Variants in TANGO6 observed in about 807,000 individuals in gnomAD.
The protein encoded by TANGO6 is transport and golgi organization 6 homolog, also known as transport and Golgi organization protein 6 homolog.
A neutral mutation model predicts 114.2 loss-of-function variants in TANGO6; 90 were observed. The observed-to-expected ratio is 0.79, with a 90% CI of 0.66 to 0.94. TANGO6 has a LOEUF of 0.94. TANGO6 is among the 40% of genes least tolerant of loss of function. The pLI is 0.00. For missense variants in TANGO6, 1,274 were observed against 1,315.3 expected (o/e 0.97, Z 0.49); for synonymous variants, 477 against 509.8 (o/e 0.94, Z 0.87).
intron 17 of TANGO6, among the ~76,000 whole-genome samples, chr16:69,045,281 C>T (rs1306944691): frequency 6.6e-6 from 1 of 150,430 alleles, no homozygotes; most frequent in Non-Finnish European, 1.5e-5. Flanking sequence ...GGTGAAACCC[C>T]GTCTCTACTA....
At chr16:68,847,802 C>T (rs1211725869) in intron 1 of TANGO6, among the ~76,000 whole-genome samples, 2 of 152,022 alleles carry the variant, frequency 1.3e-5, no homozygotes, top group East Asian at 3.9e-4. Context: ...GAGTTCGAGA[C>T]CAGCCTGGCC....
At chr16:69,048,898 C>T (rs79464927) in intron 17 of TANGO6, among the ~76,000 whole-genome samples, 4,349 of 152,160 alleles carry the variant, frequency 0.029, 216 homozygotes, top group African/African-American at 0.098. Flanking sequence ...TGGGGACAGA[C>T]CCAAGCTGAG....
Position 68,890,696 on chromosome 16 carries a change from C to G in TANGO6, c.1378-9738C>G, listed in dbSNP as rs567487542. Among the ~76,000 whole-genome samples, 17 of 152,016 alleles carry G rather than the reference C, an allele frequency of 1.1e-4. No individual in the cohort carries two copies. The South Asian group carries it at 3.5e-3, about 32-fold the overall frequency. Reference sequence around the variant, plus strand: ...GGTCAGGAGTTCAAGACCAGCCTGGCCAATATGGTGAAACCCTGTCTTTAC... The same window carrying G: ...GGTCAGGAGTTCAAGACCAGCCTGGGCAATATGGTGAAACCCTGTCTTTAC... On this transcript the variant is annotated intron_variant, in intron 7 of 17. Coordinates refer to ENST00000261778, the MANE Select transcript of TANGO6 (RefSeq NM_024562.2).
In TANGO6 at chr16:68,902,429, C is replaced by T. The variant is rs372396656; in HGVS notation, c.1592C>T (p.Pro531Leu). The T allele has an allele frequency of 1.5e-5, 25 of 1,613,694 alleles. No individual in the cohort carries two copies. The highest frequency in any genetic ancestry group is 2.0e-5 in the Non-Finnish European group (24 of 1,179,826). The change falls in exon 9 of 18, where the codon CCC becomes CTC. Residue 531 changes from proline (P) to leucine (L), a missense_variant. Pro to Leu is a moderately conservative substitution (Grantham distance 98). Coordinates refer to ENST00000261778, the MANE Select transcript of TANGO6 (RefSeq NM_024562.2). ...KGFAGLDKAV[P>L]SLHSLCQFRV... ...TTTGCAGGGTTGGACAAAGCTGTGCCCTCTCTCCATTCTCTGTGTCAGTTT... is the reference window on the plus strand; with the variant it reads ...TTTGCAGGGTTGGACAAAGCTGTGCTCTCTCTCCATTCTCTGTGTCAGTTT...
At chr16:68,876,126 T>A (rs901735999) in intron 5 of TANGO6, among the ~76,000 whole-genome samples, 1 of 152,126 alleles carries the variant, frequency 6.6e-6, no homozygotes, top group East Asian at 1.9e-4. Context: ...CATACACACA[T>A]ACATTAACAT....
At chr16:68,909,534 G>A (rs567069959) in intron 11 of TANGO6, 132 bp downstream of exon 11, 1 of 861,366 alleles carries the variant, frequency 1.2e-6, no homozygotes, top group South Asian at 3.4e-5. Flanking sequence ...GTTAAATATG[G>A]AAACTACACA....
chr16:68,850,820 G>A (rs1961890812), intron 1 of TANGO6, among the ~76,000 whole-genome samples: 1 of 152,106 alleles, frequency 6.6e-6, no homozygotes, highest in African/African-American at 2.4e-5. Flanking sequence ...ATCATAGTTT[G>A]GTGACCTTTG....
intron 15 of TANGO6, among the ~76,000 whole-genome samples, chr16:68,989,367 A>G (rs1963926962): frequency 6.6e-6 from 1 of 151,368 alleles, no homozygotes; most frequent in Admixed American, 6.6e-5. Context: ...CTTTAGGTAC[A>G]TGGACTCTTT....
chr16:68,904,016 A>G (rs1962817763), intron 9 of TANGO6, among the ~76,000 whole-genome samples: 1 of 152,212 alleles, frequency 6.6e-6, no homozygotes, highest in African/African-American at 2.4e-5. Flanking sequence ...CTGGAATTAA[A>G]TATAATTGTT....
chr16:69,075,455 ATT>A (rs34374864), intron 17 of TANGO6, among the ~76,000 whole-genome samples: 47 of 138,860 alleles, frequency 3.4e-4, no homozygotes, highest in Non-Finnish European at 3.9e-4. Context: ...TTCAACTTTT[ATT>A]TTTTTTTTTT....
intron 17 of TANGO6, among the ~76,000 whole-genome samples, chr16:69,052,016 TG>T (rs1959958033): frequency 6.7e-6 from 1 of 149,890 alleles, no homozygotes; most frequent in Admixed American, 6.7e-5. Context: ...GCCACCATCA[TG>T]GCTCACTGCA....
intron 12 of TANGO6, among the ~76,000 whole-genome samples, chr16:68,926,111 A>T (rs1168376991): frequency 6.6e-6 from 1 of 151,954 alleles, no homozygotes; most frequent in African/African-American, 2.4e-5. Context: ...TAGGTAAATT[A>T]TTCTCATTTT....
intron 4 of TANGO6, chr16:68,868,006 T>C (rs1448583575): frequency 6.9e-6 from 1 of 145,474 alleles, no homozygotes; most frequent in Non-Finnish European, 1.5e-5. Flanking sequence ...TAGCCAGGTA[T>C]GGTGGTGCCC....
chr16:69,038,982 G>A (rs1959732912), intron 16 of TANGO6, among the ~76,000 whole-genome samples: 1 of 152,130 alleles, frequency 6.6e-6, no homozygotes, highest in Non-Finnish European at 1.5e-5. Context: ...AGGAGATTGA[G>A]ACCATCCTGG....
intron 1 of TANGO6, among the ~76,000 whole-genome samples, chr16:68,854,742 T>C (rs1961958739): frequency 6.6e-6 from 1 of 152,036 alleles, no homozygotes; most frequent in African/African-American, 2.4e-5. Flanking sequence ...CATATAAGTG[T>C]GGGACTGTTT....
At chr16:68,861,968 A>T in intron 2 of TANGO6, among the ~76,000 whole-genome samples, 1 of 152,214 alleles carries the variant, frequency 6.6e-6, no homozygotes, top group South Asian at 2.1e-4. Context: ...TCTATTGCTC[A>T]TAAAGGCAAA....
At chr16:68,928,870 C>T (rs1426117130) in intron 13 of TANGO6, among the ~76,000 whole-genome samples, 2 of 152,190 alleles carry the variant, frequency 1.3e-5, no homozygotes, top group African/African-American at 4.8e-5. Context: ...ACTGGGTCTC[C>T]TCCCCTCTTC....
At chr16:69,018,281 C>G (rs976370090) in intron 15 of TANGO6, among the ~76,000 whole-genome samples, 1 of 150,320 alleles carries the variant, frequency 6.7e-6, no homozygotes, top group African/African-American at 2.4e-5. Context: ...GTAGCTGGGA[C>G]TACAGGCGCC....
chr16:69,028,838 C>G (rs1234041236), intron 16 of TANGO6, among the ~76,000 whole-genome samples: 9 of 144,298 alleles, frequency 6.2e-5, no homozygotes, highest in African/African-American at 2.3e-4. Context: ...TAGGCACACA[C>G]CACCATGCCC....
Sources: gnomAD v4.1 joint callset for allele counts (sites outside exome capture counted in the v4.1 genomes callset) on GRCh38, gnomAD v4.1.1 for gene constraint, MANE v1.5 for transcripts, NCBI Gene and HGNC (gene_info 2026-07-23, HGNC 2026-07-21) for gene names.